CNTN5: variants seen among roughly 807,000 people sequenced by gnomAD.
CNTN5 encodes the protein contactin-5.
Under a neutral mutation model 129.1 loss-of-function variants are expected in CNTN5, and 77 were observed. That is an observed-to-expected ratio of 0.60 (90% confidence interval 0.50 to 0.72). CNTN5 has a LOEUF of 0.72. CNTN5 is among the 30% of genes least tolerant of loss of function. The probability of loss-of-function intolerance (pLI) is 0.00; values close to 1 mark genes in which losing one functional copy is unlikely to be tolerated. For synonymous variants in CNTN5, 509 were observed against 465.6 expected (o/e 1.09, Z -1.20); for missense variants, 1,478 against 1,328.8 (o/e 1.11, Z -1.75).
chr11:99,127,481 C>T (rs1429644008), intron 1 of CNTN5, among the ~76,000 whole-genome samples: 1 of 152,142 alleles, frequency 6.6e-6, no homozygotes, highest in Admixed American at 6.5e-5. Flanking sequence ...ACTGATCTAA[C>T]AACAGAAACC....
At chr11:99,708,108 AC>A (rs1417223182) in intron 3 of CNTN5, among the ~76,000 whole-genome samples, 19 of 151,692 alleles carry the variant, frequency 1.3e-4, no homozygotes, top group African/African-American at 4.6e-4. Context: ...AAGCCAGAGA[AC>A]AACTTGTGAC....
At chr11:99,865,971 A>T (rs559591799) in intron 6 of CNTN5, among the ~76,000 whole-genome samples, 1 of 152,264 alleles carries the variant, frequency 6.6e-6, no homozygotes, top group East Asian at 1.9e-4. Flanking sequence ...ATATTTTTTA[A>T]AAAATTCACT....
chr11:100,200,014 T>C (rs565185302), intron 15 of CNTN5, among the ~76,000 whole-genome samples: 1 of 152,102 alleles, frequency 6.6e-6, no homozygotes, highest in South Asian at 2.1e-4. Context: ...AAAATTCTGT[T>C]AAAATCTGTT....
At chr11:99,712,927 T>C (rs1166676583) in intron 3 of CNTN5, among the ~76,000 whole-genome samples, 1 of 151,974 alleles carries the variant, frequency 6.6e-6, no homozygotes, top group African/African-American at 2.4e-5. Context: ...TCTCCAGCTT[T>C]TTCTTTTTGC....
chr11:100,002,279 C>G (rs7926332), intron 9 of CNTN5, 143 bp downstream of exon 9: 166,161 of 523,452 alleles, frequency 0.32, 29,788 homozygotes, highest in African/African-American at 0.58. Flanking sequence ...GGTCAAATGG[C>G]AATTGATGAA....
chr11:100,281,009 C>T (rs1243098316), intron 18 of CNTN5, among the ~76,000 whole-genome samples: 2 of 151,984 alleles, frequency 1.3e-5, no homozygotes, highest in Non-Finnish European at 2.9e-5. Context: ...TTTTAACTTT[C>T]TGCTGTTTCT....
intron 2 of CNTN5, among the ~76,000 whole-genome samples, chr11:99,394,437 A>G (rs562992746): frequency 6.6e-6 from 1 of 151,568 alleles, no homozygotes; most frequent in Non-Finnish European, 1.5e-5. Flanking sequence ...AAATTATGGA[A>G]TAAATTCATC....
intron 2 of CNTN5, among the ~76,000 whole-genome samples, chr11:99,481,006 A>G (rs778702299): frequency 9.2e-5 from 14 of 151,912 alleles, no homozygotes; most frequent in Non-Finnish European, 1.6e-4. Context: ...ATGTGCACCT[A>G]CTCTCACTCA....
chr11:99,357,416 A>G (rs536142730), intron 2 of CNTN5, among the ~76,000 whole-genome samples: 1 of 151,914 alleles, frequency 6.6e-6, no homozygotes, highest in East Asian at 1.9e-4. Context: ...TTGAAATTAC[A>G]TAACAATATT....
chr11:99,055,191 G>A (rs1331109240), intron 1 of CNTN5, among the ~76,000 whole-genome samples: 3 of 151,934 alleles, frequency 2.0e-5, no homozygotes, highest in African/African-American at 7.2e-5. Context: ...ATCCCATTAT[G>A]CTCTATAGCC....
intron 2 of CNTN5, among the ~76,000 whole-genome samples, chr11:99,418,952 C>T (rs1037311897): frequency 4.6e-5 from 7 of 152,092 alleles, no homozygotes; most frequent in Non-Finnish European, 8.8e-5. Context: ...ATATGCTTTG[C>T]CACTTAGCTA....
chr11:100,164,722 A>G (rs924863731), intron 13 of CNTN5, among the ~76,000 whole-genome samples: 3 of 151,862 alleles, frequency 2.0e-5, no homozygotes, highest in African/African-American at 7.2e-5. Flanking sequence ...GTAACAGATG[A>G]CTAATATGAT....
intron 1 of CNTN5, among the ~76,000 whole-genome samples, chr11:99,149,616 A>G (rs1004053913): frequency 6.6e-6 from 1 of 151,926 alleles, no homozygotes; most frequent in Non-Finnish European, 1.5e-5. Context: ...CTTCTAACAA[A>G]GTGAATTGCT....
At chr11:99,668,319 T>C (rs1952884587) in intron 3 of CNTN5, among the ~76,000 whole-genome samples, 1 of 152,136 alleles carries the variant, frequency 6.6e-6, no homozygotes, top group African/African-American at 2.4e-5. Flanking sequence ...ATTGATCACT[T>C]ACCTCTTGCT....
intron 3 of CNTN5, among the ~76,000 whole-genome samples, chr11:99,704,221 T>C (rs1306614938): frequency 1.3e-5 from 2 of 150,964 alleles, no homozygotes; most frequent in African/African-American, 4.8e-5. Flanking sequence ...CATCCCAGAC[T>C]GGGAATCCAC....
intron 21 of CNTN5, among the ~76,000 whole-genome samples, chr11:100,316,226 G>C (rs1951570051): frequency 6.6e-6 from 1 of 152,132 alleles, no homozygotes; most frequent in Non-Finnish European, 1.5e-5. Context: ...TCCCAGATCA[G>C]CAAAACAGAC....
At chr11:100,153,277 T>G (rs533560398) in intron 13 of CNTN5, among the ~76,000 whole-genome samples, 18 of 152,230 alleles carry the variant, frequency 1.2e-4, no homozygotes, top group South Asian at 4.1e-4. Context: ...ATCACTCATT[T>G]CCTGAGAATC....
chr11:99,887,257 G>A (rs1307227163), intron 6 of CNTN5, among the ~76,000 whole-genome samples: 1 of 152,174 alleles, frequency 6.6e-6, no homozygotes, highest in African/African-American at 2.4e-5. Flanking sequence ...CAATGATGTG[G>A]TCTCTGCTAA....
chr11:99,121,935 T>TA (rs1858357661), intron 1 of CNTN5, among the ~76,000 whole-genome samples: 1 of 151,892 alleles, frequency 6.6e-6, no homozygotes, highest in Non-Finnish European at 1.5e-5. Flanking sequence ...TTTTTTATTT[T>TA]AAAAAATAGA....
Sources: gnomAD v4.1 joint callset for allele counts (sites outside exome capture counted in the v4.1 genomes callset) on GRCh38, gnomAD v4.1.1 for gene constraint, MANE v1.5 for transcripts, NCBI Gene and HGNC (gene_info 2026-07-23, HGNC 2026-07-21) for gene names.